SHISA9: variants seen among roughly 807,000 people sequenced by gnomAD.
SHISA9 encodes protein shisa-9.
SHISA9 carries 13 observed loss-of-function variants against 38.0 expected under a neutral mutation model. The observed-to-expected ratio is 0.34, with a 90% CI of 0.22 to 0.54. SHISA9 has a LOEUF of 0.54. SHISA9 is among the 20% of genes least tolerant of loss of function. The probability of loss-of-function intolerance (pLI) is 0.91; values close to 1 mark genes in which losing one functional copy is unlikely to be tolerated. For missense variants in SHISA9, 538 were observed against 575.8 expected (o/e 0.93, Z 0.67); for synonymous variants, 275 against 242.0 (o/e 1.14, Z -1.27).
intron 2 of SHISA9, among the ~76,000 whole-genome samples, chr16:12,923,202 C>A (rs1305793992): frequency 6.6e-6 from 1 of 152,172 alleles, no homozygotes; most frequent in Non-Finnish European, 1.5e-5. Context: ...ACCATGATGA[C>A]TGAGGTTTGC....
At chr16:13,018,431 G>A (rs1315067101) in intron 2 of SHISA9, among the ~76,000 whole-genome samples, 2 of 152,152 alleles carry the variant, frequency 1.3e-5, no homozygotes, top group South Asian at 2.1e-4. Flanking sequence ...CTCTCAGTCT[G>A]TCTACCCCAC....
the SHISA9 span, among the ~76,000 whole-genome samples, chr16:13,274,475 C>T: frequency 1.3e-5 from 2 of 152,008 alleles, no homozygotes; most frequent in Non-Finnish European, 2.9e-5. Flanking sequence ...AAGAGGTCAC[C>T]CACTCCTATA....
chr16:13,361,364 C>A, the SHISA9 span, among the ~76,000 whole-genome samples: 8 of 152,336 alleles, frequency 5.3e-5, no homozygotes, highest in East Asian at 1.5e-3. Context: ...CTGGATGCAT[C>A]CTCCTCTTAT....
the SHISA9 span, among the ~76,000 whole-genome samples, chr16:13,351,176 CA>C: frequency 6.6e-5 from 10 of 152,148 alleles, no homozygotes; most frequent in Non-Finnish European, 1.5e-4. Context: ...AGCCAAGACT[CA>C]AACCCAAATC....
chr16:13,102,588 G>T (rs1171702114), intron 2 of SHISA9, among the ~76,000 whole-genome samples: 1 of 152,086 alleles, frequency 6.6e-6, no homozygotes, highest in Non-Finnish European at 1.5e-5. Context: ...GCAAAGTCAG[G>T]GTTGCAGCTG....
At chr16:13,055,951 A>G (rs1352851971) in intron 2 of SHISA9, among the ~76,000 whole-genome samples, 1 of 152,218 alleles carries the variant, frequency 6.6e-6, no homozygotes, top group Non-Finnish European at 1.5e-5. Context: ...CTAGATGCAC[A>G]GACTGTTGCT....
chr16:13,357,796 C>T, the SHISA9 span, among the ~76,000 whole-genome samples: 13,447 of 141,128 alleles, frequency 0.095, 697 homozygotes, highest in South Asian at 0.22. Flanking sequence ...GCTCAGTGGG[C>T]AGGAGTGGGG....
chr16:12,937,337 C>G (rs1010536079), intron 2 of SHISA9, among the ~76,000 whole-genome samples: 1 of 152,198 alleles, frequency 6.6e-6, no homozygotes, highest in African/African-American at 2.4e-5. Context: ...CCTCTCTCCT[C>G]AAGCACTCTA....
the SHISA9 span, among the ~76,000 whole-genome samples, chr16:13,491,732 C>T: frequency 6.6e-6 from 1 of 150,578 alleles, no homozygotes; most frequent in Non-Finnish European, 1.5e-5. Context: ...TCAAGAGATC[C>T]ACCCGCCTCG....
chr16:13,252,206 C>T, the SHISA9 span, among the ~76,000 whole-genome samples: 47 of 152,200 alleles, frequency 3.1e-4, no homozygotes, highest in African/African-American at 1.1e-3. Context: ...TCACTCTGCT[C>T]CAGCCCCCAC....
At chr16:13,515,476 G>A in the SHISA9 span, among the ~76,000 whole-genome samples, 2 of 152,066 alleles carry the variant, frequency 1.3e-5, no homozygotes, top group Non-Finnish European at 2.9e-5. Context: ...ACAAAGATCT[G>A]TTATGTGGGT....
At chr16:12,923,227 A>T (rs1242282544) in intron 2 of SHISA9, among the ~76,000 whole-genome samples, 1 of 152,214 alleles carries the variant, frequency 6.6e-6, no homozygotes, top group African/African-American at 2.4e-5. Flanking sequence ...AACATACTCC[A>T]TATAAAATTG....
the SHISA9 span, among the ~76,000 whole-genome samples, chr16:13,534,234 T>C: frequency 9.3e-3 from 1,416 of 151,466 alleles, 67 homozygotes; most frequent in Admixed American, 0.071. Flanking sequence ...CTTTTTTTTT[T>C]TTTTTTTTGT....
intron 2 of SHISA9, among the ~76,000 whole-genome samples, chr16:12,975,451 T>G (rs1277248079): frequency 6.6e-6 from 1 of 151,840 alleles, no homozygotes; most frequent in Non-Finnish European, 1.5e-5. Context: ...TGCAGTGAGC[T>G]GAGATTGCGC....
chr16:13,087,861 A>G (rs1418977592), intron 2 of SHISA9, among the ~76,000 whole-genome samples: 2 of 152,104 alleles, frequency 1.3e-5, no homozygotes, highest in Non-Finnish European at 2.9e-5. Context: ...TTTTGTTGCC[A>G]TTGCTTTTGG....
Position 13,194,668 on chromosome 16 carries a change from C to G in SHISA9, c.692-8726C>G, listed in dbSNP as rs184876331. Among the ~76,000 whole-genome samples, 249 of 152,180 alleles carry G rather than the reference C, an allele frequency of 1.6e-3. 2 individuals carry two copies. Among genetic ancestry groups the G allele is most frequent in the African/African-American group, 5.7e-3 (236 of 41,490 alleles). ...ATAAATCTCAATTCCTCAACCCTACCCAGGCATATGGAAGTCATGGGCCAT... is the reference window on the plus strand; with the variant it reads ...ATAAATCTCAATTCCTCAACCCTACGCAGGCATATGGAAGTCATGGGCCAT... On this transcript the variant is annotated intron_variant, in intron 2 of 4. Coordinates refer to ENST00000558583, the MANE Select transcript of SHISA9 (RefSeq NM_001145204.3).
the SHISA9 span, among the ~76,000 whole-genome samples, chr16:13,485,188 C>A: frequency 6.6e-6 from 1 of 152,112 alleles, no homozygotes; most frequent in Non-Finnish European, 1.5e-5. Flanking sequence ...CTTTCCCTCC[C>A]CTTGCCCCGC....
chr16:13,437,286 C>T, the SHISA9 span, among the ~76,000 whole-genome samples: 1 of 152,196 alleles, frequency 6.6e-6, no homozygotes, highest in Admixed American at 6.5e-5. Context: ...AAAAGATGGA[C>T]ATTAAAAGGC....
At chr16:13,015,296 G>T (rs760968444) in intron 2 of SHISA9, among the ~76,000 whole-genome samples, 1 of 152,200 alleles carries the variant, frequency 6.6e-6, no homozygotes, top group East Asian at 1.9e-4. Flanking sequence ...TTAACTATCT[G>T]CCCCTTTCAG....
Sources: allele counts gnomAD v4.1 joint callset (sites outside exome capture counted in the v4.1 genomes callset), GRCh38; gene constraint gnomAD v4.1.1; transcripts MANE v1.5; gene names NCBI Gene and HGNC (gene_info 2026-07-23, HGNC 2026-07-21).